SLC2A9: variants seen among roughly 807,000 people sequenced by gnomAD.
The protein encoded by SLC2A9 is solute carrier family 2 member 9.
In SLC2A9, 39 loss-of-function variants were observed where a neutral mutation model predicts 50.6. The ratio of observed to expected loss-of-function variants is 0.77; its 90% CI spans 0.60 to 1.01. The LOEUF (loss-of-function observed/expected upper bound fraction) is 1.01, where lower values mean the gene tolerates loss of function less well. SLC2A9 is among the 50% of genes least tolerant of loss of function. The pLI is 0.00. For missense variants in SLC2A9, 686 were observed against 677.6 expected, an observed-to-expected ratio of 1.01 and a Z score of -0.14; for synonymous variants, 324 against 276.9, an observed-to-expected ratio of 1.17 and a Z score of -1.69.
At chr4:9,875,460 C>T (rs148888224) in intron 10 of SLC2A9, among the ~76,000 whole-genome samples, 54 of 152,346 alleles carry the variant, frequency 3.5e-4, no homozygotes, top group African/African-American at 1.2e-3. Flanking sequence ...TACTTGGTGG[C>T]TCTGCTTGCT....
chr4:9,816,216 T>G (rs1437365308), intron 3 of SLC2A9, among the ~76,000 whole-genome samples: 3 of 151,960 alleles, frequency 2.0e-5, no homozygotes, highest in African/African-American at 7.2e-5. Flanking sequence ...TTCTAACATT[T>G]TCTTCTCACA....
intron 1 of SLC2A9, 52 bp from the exon 2 acceptor site, chr4:10,019,125 C>T (rs1292005785): frequency 1.4e-6 from 2 of 1,462,408 alleles, no homozygotes; most frequent in African/African-American, 2.8e-5. Flanking sequence ...GCAGCCAGGG[C>T]CGAGGGAAGA....
At chr4:9,920,641 T>C (rs1425601060) in intron 6 of SLC2A9, 69 bp from the exon 7 acceptor site, 5 of 1,577,542 alleles carry the variant, frequency 3.2e-6, no homozygotes, top group African/African-American at 2.7e-5. Flanking sequence ...TGCTGGGCCC[T>C]GCAGGGACGG....
intron 4 of SLC2A9, among the ~76,000 whole-genome samples, chr4:9,983,335 C>G (rs1458304473): frequency 6.6e-6 from 1 of 152,236 alleles, no homozygotes. Context: ...GACATTTATT[C>G]TGCACGTGGC....
intron 5 of SLC2A9, among the ~76,000 whole-genome samples, chr4:9,962,568 G>A (rs1390910468): frequency 6.6e-6 from 1 of 152,136 alleles, no homozygotes; most frequent in Admixed American, 6.5e-5. Flanking sequence ...GGCCTATCGG[G>A]GGACCTGGGC....
At chr4:9,931,163 A>ATTTAAAAATAG (rs1451555575) in intron 6 of SLC2A9, among the ~76,000 whole-genome samples, 5 of 152,214 alleles carry the variant, frequency 3.3e-5, no homozygotes, top group African/African-American at 1.2e-4. Flanking sequence ...TCTCCAAGTC[A>ATTTAAAAATAG]TTTAAAAATA....
At chr4:9,853,297 A>C (rs2109331370) in intron 10 of SLC2A9, among the ~76,000 whole-genome samples, 1 of 151,246 alleles carries the variant, frequency 6.6e-6, no homozygotes, top group East Asian at 1.9e-4. Flanking sequence ...AAGTAAAAGG[A>C]TAGAGAAAAA....
chr4:9,912,296 T>TA lies in SLC2A9; in HGVS notation c.1003-3952dup, dbSNP rs546314794. On this transcript the variant is annotated intron_variant, in intron 7 of 11. Coordinates refer to ENST00000264784, the MANE Select transcript of SLC2A9 (RefSeq NM_020041.3). ...CCTAAAACTTAAAGTATAATAATAA[T>TA]AAAAAAAAAAGAAAAGAAGAGCATC... 9.3e-4 allele frequency among the ~76,000 whole-genome samples: 136 copies of TA among 146,576 alleles called. No homozygotes were observed. The South Asian group carries it at 0.012, about 13-fold the overall frequency.
At position 9,888,272 on chromosome 4, in the gene SLC2A9, C is replaced by CAT. The variant is rs35108442; in HGVS notation, c.1216-632_1216-631dup. On this transcript the variant is annotated intron_variant, in intron 9 of 11. Transcript: ENST00000264784. ...TCCCAGAACTTAAAGTATATATATA[C>CAT]ATATATATATATATATGTATATATA... 6.8e-3 allele frequency among the ~76,000 whole-genome samples: 994 copies of CAT among 146,742 alleles called. 10 individuals carry two copies. The highest frequency in any genetic ancestry group is 0.021 in the African/African-American group (829 of 39,946).
intron 8 of SLC2A9, among the ~76,000 whole-genome samples, chr4:9,895,993 AC>A (rs1738483229): frequency 2.0e-5 from 3 of 152,246 alleles, no homozygotes; most frequent in Non-Finnish European, 2.9e-5. Flanking sequence ...GCATGGATAT[AC>A]CAAAATTTGT....
chr4:9,858,306 T>A (rs189634750), intron 10 of SLC2A9, among the ~76,000 whole-genome samples: 1 of 152,360 alleles, frequency 6.6e-6, no homozygotes, highest in East Asian at 1.9e-4. Context: ...CTGAGGTTAA[T>A]TGATGCTGTG....
intron 3 of SLC2A9, among the ~76,000 whole-genome samples, chr4:9,800,910 T>C (rs1281851791): frequency 6.6e-6 from 1 of 152,162 alleles, no homozygotes; most frequent in Non-Finnish European, 1.5e-5. Context: ...GACAACTGTA[T>C]TTTGTTCCAG....
At chr4:9,842,068 G>T (rs1728167472) in intron 10 of SLC2A9, among the ~76,000 whole-genome samples, 1 of 152,002 alleles carries the variant, frequency 6.6e-6, no homozygotes, top group Admixed American at 6.6e-5. Flanking sequence ...ATATTTCCTT[G>T]TTTGGTTACT....
At chr4:9,798,653 ATC>A (rs1031392474), downstream of SLC2A9, 2 of 152,182 alleles carry the variant, frequency 1.3e-5, no homozygotes, top group African/African-American at 4.8e-5. Flanking sequence ...GAGACACAGA[ATC>A]CAGAGGTAAA....
chr4:9,774,532 C>T (rs1717278992), intron 1 of SLC2A9, among the ~76,000 whole-genome samples: 1 of 152,192 alleles, frequency 6.6e-6, no homozygotes, highest in Non-Finnish European at 1.5e-5. Flanking sequence ...CCCTTGTTCT[C>T]ATGCCACTGC....
intron 7 of SLC2A9, among the ~76,000 whole-genome samples, chr4:9,919,635 C>T (rs1429674997): frequency 6.6e-6 from 1 of 152,176 alleles, no homozygotes; most frequent in Non-Finnish European, 1.5e-5. Flanking sequence ...TCCCAAGTGA[C>T]ATGAGTGACC....
chr4:10,013,986 C>T (rs1187714974), intron 2 of SLC2A9, among the ~76,000 whole-genome samples: 5 of 152,212 alleles, frequency 3.3e-5, no homozygotes, highest in Non-Finnish European at 5.9e-5. Flanking sequence ...CCTCCCCGCA[C>T]TCCAAAGCAG....
At chr4:9,984,616 T>C (rs767767724) in intron 4 of SLC2A9, among the ~76,000 whole-genome samples, 1 of 152,208 alleles carries the variant, frequency 6.6e-6, no homozygotes, top group Non-Finnish European at 1.5e-5. Flanking sequence ...TTTCCACAAA[T>C]GCCTAAAAGT....
At chr4:9,800,720 C>G (rs190881945) in intron 3 of SLC2A9, among the ~76,000 whole-genome samples, 2 of 152,154 alleles carry the variant, frequency 1.3e-5, no homozygotes, top group African/African-American at 4.8e-5. Flanking sequence ...AGTATAACAA[C>G]TATTTACACA....
Sources: allele counts gnomAD v4.1 joint callset (sites outside exome capture counted in the v4.1 genomes callset), GRCh38; gene constraint gnomAD v4.1.1; transcripts MANE v1.5; gene names NCBI Gene and HGNC (gene_info 2026-07-23, HGNC 2026-07-21).